AIDA: variants seen among roughly 807,000 people sequenced by gnomAD.
AIDA encodes the protein axin interactor, dorsalization associated.
In AIDA, 18 loss-of-function variants were observed where a neutral mutation model predicts 42.7. The ratio of observed to expected loss-of-function variants is 0.42; its 90% CI spans 0.29 to 0.63. The LOEUF (loss-of-function observed/expected upper bound fraction) is 0.63. AIDA is among the 20% of genes least tolerant of loss of function. The pLI is 0.19. For missense variants in AIDA, 250 were observed against 354.1 expected (o/e 0.71, Z 2.36); for synonymous variants, 104 against 122.9 (o/e 0.85, Z 1.02).
intron 1 of AIDA, among the ~76,000 whole-genome samples, chr1:222,706,239 C>T (rs1010339319): frequency 5.3e-5 from 8 of 152,240 alleles, no homozygotes; most frequent in East Asian, 1.9e-4. Flanking sequence ...AAATGATACA[C>T]CCAGTTTGGA....
In AIDA at chr1:222,701,001, C is replaced by T. The variant is rs1458804475; in HGVS notation, c.180+2147G>A. ...GGGGGGGGACAGGGTCTCACTGTGT[C>T]GCCCAGGCTGGAGTGCAGTGGCATG... is the stretch of plus-strand genomic sequence containing the variant. On this transcript the variant is annotated intron_variant, in intron 2 of 9. Transcript: ENST00000340020. Among the ~76,000 whole-genome samples the T allele has an allele frequency of 2.9e-5, 4 of 135,752 alleles. No homozygotes were observed. In the East Asian group the frequency reaches 6.3e-4, roughly 21 times the overall value. 89.1% of individuals were successfully genotyped at this position (135,752 alleles called of 152,430 possible). A position where few individuals can be genotyped will look rare whatever the true frequency, so the allele number is the denominator to read the frequency against.
Position 222,670,363 on chromosome 1 carries a change from A to C in AIDA, c.707-113T>G, listed in dbSNP as rs184260818. The C allele has an allele frequency of 4.4e-4, 359 of 809,482 alleles. 2 individuals are homozygous for C. The highest frequency in any genetic ancestry group is 1.6e-3 in the Middle Eastern group (7 of 4,304). 50.1% of individuals were successfully genotyped at this position (809,482 alleles called of 1,614,324 possible). On this transcript the variant is annotated intron_variant, in intron 8 of 9. Coordinates refer to ENST00000340020, the MANE Select transcript of AIDA (RefSeq NM_022831.4). ...ACAGCTACAGCTGGCATAATTTGACAAAACAACTTGTGCCAGTCTCAATGA... is the reference window on the plus strand; with the variant it reads ...ACAGCTACAGCTGGCATAATTTGACCAAACAACTTGTGCCAGTCTCAATGA...
intron 7 of AIDA, among the ~76,000 whole-genome samples, chr1:222,673,854 C>T (rs1040883976): frequency 7.2e-5 from 11 of 151,790 alleles, no homozygotes; most frequent in Non-Finnish European, 1.5e-4. Flanking sequence ...GAGGCTGAGG[C>T]GGGTGGATCA....
chr1:222,693,938 C>A, intron 3 of AIDA, 95 bp from the exon 4 acceptor site: 2 of 1,094,716 alleles, frequency 1.8e-6, no homozygotes, highest in Non-Finnish European at 2.6e-6. Context: ...CAAAAGGATT[C>A]TATTTCTTGC....
Position 222,691,586 on chromosome 1 carries a change from T to A in AIDA, c.289+2203A>T, listed in dbSNP as rs188341249. ...AGATCTCACTAAAAAGCACTATTTTTAAAAAAAAAATTATAAGAACATCCT... is the reference window on the plus strand; with the variant it reads ...AGATCTCACTAAAAAGCACTATTTTAAAAAAAAAAATTATAAGAACATCCT... On this transcript the variant is annotated intron_variant, in intron 4 of 9. Coordinates refer to ENST00000340020, the MANE Select transcript of AIDA (RefSeq NM_022831.4). Among the ~76,000 whole-genome samples the A allele has an allele frequency of 2.0e-3, 306 of 150,852 alleles. 1 individual carries two copies. The highest frequency in any genetic ancestry group is 2.9e-3 in the South Asian group (14 of 4,774).
At position 222,669,631 on chromosome 1, in the gene AIDA, A is replaced by C. The variant is rs1664408515; in HGVS notation, c.*262T>G. 2.8e-6 allele frequency: 1 copy of C among 358,324 alleles called. No homozygotes were observed. Among genetic ancestry groups the C allele is most frequent in the Non-Finnish European group, 5.1e-6 (1 of 194,298 alleles). 22.2% of individuals were successfully genotyped at this position (358,324 alleles called of 1,614,324 possible). A position where few individuals can be genotyped will look rare whatever the true frequency, so the allele number is the denominator to read the frequency against. ...GGAGTAGTGGTAAATTAGAAAATAG[A>C]CTATTAATTGCACAATTAATAGAAA... On this transcript the variant is annotated 3_prime_UTR_variant, in exon 10 of 10. Transcript: ENST00000340020.
intron 8 of AIDA, among the ~76,000 whole-genome samples, chr1:222,673,007 G>A (rs17163414): frequency 0.03 from 4,623 of 152,280 alleles, 240 homozygotes; most frequent in African/African-American, 0.1. Context: ...TGAATCATCA[G>A]GGAACCTTCA....
chr1:222,711,000 A>G (rs1286283942), intron 1 of AIDA, among the ~76,000 whole-genome samples: 1 of 151,884 alleles, frequency 6.6e-6, no homozygotes, highest in African/African-American at 2.4e-5. Flanking sequence ...ATAGATAAAA[A>G]CAAATAACTA....
chr1:222,678,200 GGTGTGTGTGTGTGTGT>G (rs71732365), intron 6 of AIDA, among the ~76,000 whole-genome samples: 2 of 145,296 alleles, frequency 1.4e-5, no homozygotes, highest in Non-Finnish European at 3.0e-5. Flanking sequence ...TATATCTTGG[GGTGTGTGTGTGTGTGT>G]GTGTGTGTGT....
At chr1:222,676,004 T>G in intron 7 of AIDA, 92 bp downstream of exon 7, 4 of 1,410,638 alleles carry the variant, frequency 2.8e-6, no homozygotes, top group Non-Finnish European at 3.8e-6. Context: ...TACATAAGAC[T>G]CCCCGCCCCA....
Position 222,672,938 on chromosome 1 carries a change from G to A in AIDA, c.706+375C>T, listed in dbSNP as rs373862611. On this transcript the variant is annotated intron_variant, in intron 8 of 9. Transcript: ENST00000340020. ...ACAATTAACTGCAAGTTAAGTTATC[G>A]TTCTACCAAACTAGAAATACTGGGA... 2.0e-4 allele frequency among the ~76,000 whole-genome samples: 30 copies of A among 152,158 alleles called. No individual in the cohort carries two copies. In the South Asian group the frequency reaches 5.2e-3, roughly 26 times the overall value.
At position 222,687,051 on chromosome 1, in the gene AIDA, G is replaced by T. The variant is rs377095340; in HGVS notation, c.354-15C>A. The T allele has an allele frequency of 6.2e-7, 1 of 1,610,920 alleles. No individual in the cohort carries two copies. The highest frequency in any genetic ancestry group is 8.5e-7 in the Non-Finnish European group (1 of 1,178,612). On this transcript the variant is annotated splice_polypyrimidine_tract_variant and intron_variant, in intron 5 of 9. Transcript: ENST00000340020. Reference sequence around the variant, plus strand: ...CCAAAATTCTTCTACACAAAAAAAGGGCAGAAAAAACAACAAACTGCAAAA... The same window carrying T: ...CCAAAATTCTTCTACACAAAAAAAGTGCAGAAAAAACAACAAACTGCAAAA...
At chr1:222,707,448 C>T (rs770910657) in intron 1 of AIDA, among the ~76,000 whole-genome samples, 22 of 152,072 alleles carry the variant, frequency 1.4e-4, no homozygotes, top group Non-Finnish European at 2.8e-4. Flanking sequence ...CGTGAGCCAC[C>T]GCACCCAGCC....
At chr1:222,688,341 A>C (rs1248694524) in intron 4 of AIDA, among the ~76,000 whole-genome samples, 1 of 152,132 alleles carries the variant, frequency 6.6e-6, no homozygotes, top group Non-Finnish European at 1.5e-5. Flanking sequence ...TTTTATGATA[A>C]AATTTATTAT....
intron 4 of AIDA, 113 bp downstream of exon 4, chr1:222,693,676 A>T (rs1655435979): frequency 2.3e-6 from 2 of 860,310 alleles, no homozygotes; most frequent in Admixed American, 4.9e-5. Context: ...ATCACATAGG[A>T]CTAGATATTA....
intron 1 of AIDA, among the ~76,000 whole-genome samples, chr1:222,711,126 A>C (rs1656012757): frequency 6.6e-6 from 1 of 152,132 alleles, no homozygotes. Context: ...TATTCTACTC[A>C]TACGTGGTTT....
chr1:222,682,433 T>G (rs1197327559), intron 6 of AIDA, among the ~76,000 whole-genome samples: 1 of 152,206 alleles, frequency 6.6e-6, no homozygotes, highest in Admixed American at 6.5e-5. Flanking sequence ...GCACTGGTAC[T>G]TCAATGAGAG....
Position 222,676,108 on chromosome 1 carries a change from C to A in AIDA, c.571G>T (p.Val191Phe). 6.3e-7 allele frequency: 1 copy of A among 1,591,580 alleles called. No homozygotes were observed. Among genetic ancestry groups the A allele is most frequent in the Non-Finnish European group, 8.5e-7 (1 of 1,170,760 alleles). Residue 191 changes from valine to phenylalanine, a missense_variant, in exon 7 of 10, where the codon GTT becomes TTT. Transcript: ENST00000340020. ...AGQCIDPYIT[V>F]SVKDLNGIDL... The stretch of plus-strand genomic sequence containing the variant: ...CAGAGTCACTTACCCTTTACACTAA[C>A]TGTAATATAGGGATCGATGCACTGC...
intron 7 of AIDA, among the ~76,000 whole-genome samples, chr1:222,674,131 C>T (rs990721729): frequency 3.9e-5 from 6 of 152,050 alleles, no homozygotes; most frequent in African/African-American, 1.2e-4. Context: ...AACTACAGGG[C>T]GTATATTTCA....
Sources: gnomAD v4.1 joint callset for allele counts (sites outside exome capture counted in the v4.1 genomes callset) on GRCh38, gnomAD v4.1.1 for gene constraint, MANE v1.5 for transcripts, NCBI Gene and HGNC (gene_info 2026-07-23, HGNC 2026-07-21) for gene names.